Variants in DENND6A observed in about 807,000 individuals in gnomAD.
The protein encoded by DENND6A is DENN domain containing 6A, also known as protein DENND6A.
A neutral mutation model predicts 95.5 loss-of-function variants in DENND6A; 43 were observed. The ratio of observed to expected loss-of-function variants is 0.45; its 90% CI spans 0.35 to 0.58. DENND6A has a LOEUF of 0.58. Ranked by LOEUF, DENND6A falls within the 20% of genes least tolerant of loss-of-function variation. The probability of loss-of-function intolerance (pLI) is 0.00; values close to 1 mark genes in which losing one functional copy is unlikely to be tolerated. For missense variants in DENND6A, 574 were observed against 736.0 expected (o/e 0.78, Z 2.55); for synonymous variants, 257 against 260.4 (o/e 0.99, Z 0.13).
chr3:57,645,440 G>A (rs1180051286), intron 11 of DENND6A, among the ~76,000 whole-genome samples: 3 of 152,088 alleles, frequency 2.0e-5, no homozygotes, highest in Admixed American at 1.3e-4. Context: ...CAGCCTGGGC[G>A]ACAGAGCAAA....
At chr3:57,686,674 T>C (rs1187978692) in intron 1 of DENND6A, among the ~76,000 whole-genome samples, 1 of 152,214 alleles carries the variant, frequency 6.6e-6, no homozygotes, top group Non-Finnish European at 1.5e-5. Context: ...GTTACTATTG[T>C]AATTGTTTGG....
intron 12 of DENND6A, 85 bp downstream of exon 12, chr3:57,641,568 C>T: frequency 8.4e-7 from 1 of 1,197,392 alleles, no homozygotes; most frequent in Non-Finnish European, 1.2e-6. Context: ...CTGCCATCAA[C>T]ATAAAAAATA....
intron 6 of DENND6A, 51 bp downstream of exon 6, chr3:57,661,395 T>C (rs78240427): frequency 3.0e-6 from 4 of 1,324,436 alleles, no homozygotes; most frequent in Admixed American, 6.2e-5. Context: ...TTATCACTTA[T>C]TTCCAGTAAA....
In DENND6A at chr3:57,675,517, A is replaced by G. The variant is rs189568332; in HGVS notation, c.238-3079T>C. ...TGCAGTTTAAGAAACCTCAAGGACCATCTCCACAATAAAGGCTATCCTAAT... is the reference window on the plus strand; with the variant it reads ...TGCAGTTTAAGAAACCTCAAGGACCGTCTCCACAATAAAGGCTATCCTAAT... On this transcript the variant is annotated intron_variant, in intron 1 of 19. Transcript: ENST00000311128. 1.8e-3 allele frequency among the ~76,000 whole-genome samples: 281 copies of G among 152,310 alleles called. 1 individual carries two copies. The highest frequency in any genetic ancestry group is 2.2e-3 in the Non-Finnish European group (152 of 68,022).
intron 1 of DENND6A, among the ~76,000 whole-genome samples, chr3:57,673,375 C>G (rs776829584): frequency 5.9e-5 from 9 of 151,470 alleles, no homozygotes; most frequent in Non-Finnish European, 1.0e-4. Flanking sequence ...GAGGAACTCA[C>G]AGAGATAGAA....
At position 57,630,836 on chromosome 3, in the gene DENND6A, G is replaced by C; in HGVS notation, c.1408-12C>G. The C allele has an allele frequency of 6.2e-7, 1 of 1,611,036 alleles. No individual in the cohort carries two copies. Among genetic ancestry groups the C allele is most frequent in the Non-Finnish European group, 8.5e-7 (1 of 1,178,928 alleles). ...AATTGAGGTGGACTCTAGAAAACAG[G>C]ACATATAATATTTAGAAATTAGGAG... is the stretch of plus-strand genomic sequence containing the variant. On this transcript the variant is annotated splice_polypyrimidine_tract_variant and intron_variant, in intron 16 of 19. Transcript: ENST00000311128.
At chr3:57,664,122 T>C (rs1206789489) in intron 4 of DENND6A, among the ~76,000 whole-genome samples, 4 of 152,204 alleles carry the variant, frequency 2.6e-5, no homozygotes, top group African/African-American at 9.7e-5. Context: ...AATTCTGTTT[T>C]CTCCAATGTT....
intron 1 of DENND6A, 42 bp from the exon 2 acceptor site, chr3:57,672,480 A>T (rs115183518): frequency 0.031 from 49,459 of 1,582,098 alleles, 933 homozygotes; most frequent in Middle Eastern, 0.076. Context: ...TATTATAAAC[A>T]TTAGTTATAA....
chr3:57,660,888 G>C (rs747982800), intron 6 of DENND6A, 49 bp from the exon 7 acceptor site: 2 of 1,471,814 alleles, frequency 1.4e-6, no homozygotes, highest in Non-Finnish European at 9.1e-7. Flanking sequence ...AAATATCAAA[G>C]TATTAAAAAT....
At position 57,659,197 on chromosome 3, in the gene DENND6A, A is replaced by C. The variant is rs2071380828; in HGVS notation, c.700-17T>G. The C allele has an allele frequency of 1.2e-6, 2 of 1,613,494 alleles. No individual in the cohort carries two copies. The highest frequency in any genetic ancestry group is 1.7e-6 in the Non-Finnish European group (2 of 1,179,652). Reference sequence around the variant, plus strand: ...AATCCGTACCTAAAAGAAAGACAGGAAATTATTTTTGGTTATAAAAGAATG... The same window carrying C: ...AATCCGTACCTAAAAGAAAGACAGGCAATTATTTTTGGTTATAAAAGAATG... On this transcript the variant is annotated splice_polypyrimidine_tract_variant and intron_variant, in intron 7 of 19. Coordinates refer to ENST00000311128, the MANE Select transcript of DENND6A (RefSeq NM_152678.3).
At chr3:57,692,724 G>A in intron 1 of DENND6A, 58 bp downstream of exon 1, 1 of 1,369,014 alleles carries the variant, frequency 7.3e-7, no homozygotes, top group Non-Finnish European at 9.4e-7. Flanking sequence ...CGCTGGCTTT[G>A]CTGCAGCCGC....
At chr3:57,651,964 C>T (rs969013438) in intron 9 of DENND6A, among the ~76,000 whole-genome samples, 1 of 152,088 alleles carries the variant, frequency 6.6e-6, no homozygotes, top group African/African-American at 2.4e-5. Context: ...ACCCCAACAC[C>T]TAGGTGGGAG....
intron 1 of DENND6A, among the ~76,000 whole-genome samples, chr3:57,692,208 A>ACAAGAG (rs2077273032): frequency 6.7e-6 from 1 of 148,518 alleles, no homozygotes; most frequent in South Asian, 2.2e-4. Context: ...AGCCTGAGCA[A>ACAAGAG]CAAGAGCAAA....
At chr3:57,656,058 C>T (rs1330116660) in intron 9 of DENND6A, among the ~76,000 whole-genome samples, 3 of 152,132 alleles carry the variant, frequency 2.0e-5, no homozygotes, top group Non-Finnish European at 2.9e-5. Context: ...ATAACATGTA[C>T]TTTTTAAGAA....
chr3:57,684,329 G>A (rs1377104767), intron 1 of DENND6A, among the ~76,000 whole-genome samples: 2 of 151,888 alleles, frequency 1.3e-5, no homozygotes, highest in African/African-American at 4.8e-5. Context: ...TGGGTGCGGT[G>A]GCACGTGCCT....
At chr3:57,643,686 G>A (rs570225415) in intron 11 of DENND6A, among the ~76,000 whole-genome samples, 183 of 152,132 alleles carry the variant, frequency 1.2e-3, no homozygotes, top group African/African-American at 4.2e-3. Context: ...AATTAGCTGG[G>A]TGTGGTGGTG....
chr3:57,644,688 AGGGAGGGGAGGGGAG>A (rs1240691828), intron 11 of DENND6A, among the ~76,000 whole-genome samples: 1 of 84,784 alleles, frequency 1.2e-5, no homozygotes, highest in Non-Finnish European at 2.3e-5. Flanking sequence ...GCAACAGGGA[AGGGAGGGGAGGGGAG>A]GGGAGGGGAG....
intron 1 of DENND6A, among the ~76,000 whole-genome samples, chr3:57,673,213 C>CAAAAAAAAAAAAAAAAAAAAA (rs386396751): frequency 5.7e-5 from 4 of 70,704 alleles, no homozygotes; most frequent in Non-Finnish European, 7.2e-5. Context: ...CATTTCGTAT[C>CAAAAAAAAAAAAAAAAAAAAA]AAAAAAAAAA....
intron 8 of DENND6A, among the ~76,000 whole-genome samples, chr3:57,658,867 C>T (rs2071375093): frequency 6.6e-6 from 1 of 152,178 alleles, no homozygotes; most frequent in Admixed American, 6.5e-5. Context: ...AAAAAATTCA[C>T]TTTCCCCTTT....
Sources: gnomAD v4.1 joint callset for allele counts (sites outside exome capture counted in the v4.1 genomes callset) on GRCh38, gnomAD v4.1.1 for gene constraint, MANE v1.5 for transcripts, NCBI Gene and HGNC (gene_info 2026-07-23, HGNC 2026-07-21) for gene names.